The following MAPK10 variants were observed in gnomAD, a reference collection of about 807,000 sequenced individuals.
MAPK10 encodes the protein mitogen-activated protein kinase 10, also known as JNK3 alpha protein kinase.
Under a neutral mutation model 59.3 loss-of-function variants are expected in MAPK10, and 25 were observed. That is an observed-to-expected ratio of 0.42 (90% CI 0.31 to 0.59). The LOEUF (loss-of-function observed/expected upper bound fraction) is 0.59, where lower values mean the gene tolerates loss of function less well. MAPK10 is among the 20% of genes least tolerant of loss of function. The pLI is 0.15. For missense variants in MAPK10, 351 were observed against 568.9 expected (o/e 0.62, Z 3.90); for synonymous variants, 190 against 200.5 (o/e 0.95, Z 0.44).
chr4:86,159,908 A>G (rs912144509), intron 3 of MAPK10, among the ~76,000 whole-genome samples: 3 of 152,028 alleles, frequency 2.0e-5, no homozygotes, highest in Non-Finnish European at 4.4e-5. Context: ...AATTGTATCT[A>G]CAACCTTTTC....
chr4:86,579,722 C>A (rs750599794), intron 1 of MAPK10, among the ~76,000 whole-genome samples: 3 of 152,112 alleles, frequency 2.0e-5, no homozygotes, highest in Non-Finnish European at 4.4e-5. Context: ...TATTAACCAC[C>A]ATAATAATTA....
chr4:86,115,307 T>G (rs1226993332), intron 4 of MAPK10, among the ~76,000 whole-genome samples: 1 of 152,190 alleles, frequency 6.6e-6, no homozygotes, highest in Non-Finnish European at 1.5e-5. Context: ...CCTTATCCCA[T>G]GCAGCTCCCG....
intron 10 of MAPK10, among the ~76,000 whole-genome samples, chr4:86,066,958 A>T (rs1447290999): frequency 6.6e-6 from 1 of 152,074 alleles, no homozygotes; most frequent in Non-Finnish European, 1.5e-5. Flanking sequence ...ACACAGTAGA[A>T]TACATTCTTC....
chr4:86,557,633 A>T (rs1196392440), intron 1 of MAPK10, among the ~76,000 whole-genome samples: 1 of 152,036 alleles, frequency 6.6e-6, no homozygotes, highest in Non-Finnish European at 1.5e-5. Flanking sequence ...TCAGCACTAG[A>T]TGTTGTATTT....
At position 86,014,510 on chromosome 4, in the gene MAPK10, C is replaced by T. The variant is rs1217516010; in HGVS notation, c.*2718G>A. On this transcript the variant is annotated 3_prime_UTR_variant, in exon 14 of 14. Transcript: ENST00000641462. Reference sequence around the variant, plus strand: ...CCATCATCTGCCTTGCTTTAATCACCTAATAAAACTGATCCTGCAAAAATT... The same window carrying T: ...CCATCATCTGCCTTGCTTTAATCACTTAATAAAACTGATCCTGCAAAAATT... 6.6e-6 allele frequency: 1 copy of T among 152,008 alleles called. No homozygotes were observed. The highest frequency in any genetic ancestry group is 1.5e-5 in the Non-Finnish European group (1 of 68,020). The allele number at this position is 152,008 out of a possible 1,614,324, so 9.4% of individuals were successfully genotyped here. A position where few individuals can be genotyped will look rare whatever the true frequency, so the allele number is the denominator to read the frequency against.
intron 4 of MAPK10, chr4:86,117,468 C>G (rs2058457780): frequency 6.6e-6 from 1 of 152,186 alleles, no homozygotes; most frequent in Non-Finnish European, 1.5e-5. Flanking sequence ...ATCCCTTCCT[C>G]TAAAGAAATA....
At chr4:86,435,979 C>T (rs1285250631) in intron 1 of MAPK10, among the ~76,000 whole-genome samples, 1 of 152,216 alleles carries the variant, frequency 6.6e-6, no homozygotes, top group South Asian at 2.1e-4. Flanking sequence ...TTATACCAAA[C>T]ATTTGCCCAA....
intron 4 of MAPK10, among the ~76,000 whole-genome samples, chr4:86,150,058 C>T (rs1173738519): frequency 6.6e-6 from 1 of 152,172 alleles, no homozygotes; most frequent in Non-Finnish European, 1.5e-5. Context: ...AACGTAAGTG[C>T]CCACTGACTG....
At chr4:86,246,245 C>A (rs550016212) in intron 2 of MAPK10, among the ~76,000 whole-genome samples, 25 of 152,242 alleles carry the variant, frequency 1.6e-4, no homozygotes, top group Admixed American at 2.6e-4. Context: ...TCCTGGCTAA[C>A]AAGGTGAAAT....
rs77921228 is a variant in MAPK10 at position 86,045,288 on chromosome 4, T to G, written c.1111-13857A>C. Among the ~76,000 whole-genome samples, 657 of 152,188 alleles carry G rather than the reference T, an allele frequency of 4.3e-3. 31 individuals are homozygous for G. The East Asian group carries it at 0.1, about 24-fold the overall frequency. ...TTTCTATGGTTCTTTAACTGAAAAG[T>G]TTCAGTAATTGCACCACCAATCACC... On this transcript the variant is annotated intron_variant, in intron 11 of 13. Coordinates refer to ENST00000641462, the MANE Select transcript of MAPK10 (RefSeq NM_138982.4).
At chr4:86,550,395 A>AC (rs1172745962) in intron 1 of MAPK10, among the ~76,000 whole-genome samples, 2 of 120,650 alleles carry the variant, frequency 1.7e-5, no homozygotes, top group Non-Finnish European at 3.6e-5. Context: ...AAAAAAAAAA[A>AC]AAAAAAAAAA....
At chr4:86,561,056 G>T (rs1314008597) in intron 1 of MAPK10, among the ~76,000 whole-genome samples, 1 of 152,210 alleles carries the variant, frequency 6.6e-6, no homozygotes, top group African/African-American at 2.4e-5. Flanking sequence ...GGAGTAGGGG[G>T]AATGAAACTA....
At chr4:86,548,044 C>T (rs935618612) in intron 1 of MAPK10, among the ~76,000 whole-genome samples, 1 of 152,166 alleles carries the variant, frequency 6.6e-6, no homozygotes, top group Non-Finnish European at 1.5e-5. Context: ...GCTCAGGTCC[C>T]CTTCCACACT....
At chr4:86,029,055 T>A (rs1166583143) in intron 13 of MAPK10, 142 bp downstream of exon 13, 1 of 749,310 alleles carries the variant, frequency 1.3e-6, no homozygotes, top group Non-Finnish European at 2.4e-6. Context: ...GAAATAAAAC[T>A]AAAATCATTA....
At chr4:86,100,563 G>T (rs1234307686) in intron 8 of MAPK10, 1 of 152,258 alleles carries the variant, frequency 6.6e-6, no homozygotes, top group African/African-American at 2.4e-5. Flanking sequence ...TAAATAATTT[G>T]GATTATTTCA....
At chr4:86,573,955 G>A (rs1384207078) in intron 1 of MAPK10, among the ~76,000 whole-genome samples, 1 of 152,106 alleles carries the variant, frequency 6.6e-6, no homozygotes, top group African/African-American at 2.4e-5. Context: ...TGCACAATGT[G>A]CAGGTTAGTT....
intron 11 of MAPK10, 124 bp downstream of exon 11, chr4:86,064,142 G>A: frequency 8.3e-7 from 1 of 1,201,842 alleles, no homozygotes. Flanking sequence ...GCAGATAATA[G>A]GCTTTGGACT....
Position 86,017,094 on chromosome 4 carries a change from A to G in MAPK10, c.*134T>C. ...CAGGCTGAAAGATTTATTTAATTTT[A>G]GGCTTGGATTCTCTCCCTTGCTGTT... On this transcript the variant is annotated 3_prime_UTR_variant, in exon 14 of 14. Coordinates refer to ENST00000641462, the MANE Select transcript of MAPK10 (RefSeq NM_138982.4). This position sits in a 1 kb window ranked among gnomAD's most constrained non-coding sequence, Gnocchi z 4.4. 1.0e-6 allele frequency: 1 copy of G among 957,862 alleles called. No individual in the cohort carries two copies. The highest frequency in any genetic ancestry group is 1.7e-5 in the South Asian group (1 of 60,314). The allele number at this position is 957,862 out of a possible 1,614,324, so 59.3% of individuals were successfully genotyped here. A position where few individuals can be genotyped will look rare whatever the true frequency, so the allele number is the denominator to read the frequency against.
intron 9 of MAPK10, among the ~76,000 whole-genome samples, chr4:86,098,040 G>A (rs947797293): frequency 5.9e-5 from 9 of 152,078 alleles, no homozygotes; most frequent in African/African-American, 2.2e-4. Flanking sequence ...ATATTGACCT[G>A]TTAAAGACTT....
Sources: allele counts gnomAD v4.1 joint callset (sites outside exome capture counted in the v4.1 genomes callset), GRCh38; gene constraint gnomAD v4.1.1; non-coding constraint Gnocchi (gnomAD v3.1); transcripts MANE v1.5; gene names NCBI Gene and HGNC (gene_info 2026-07-23, HGNC 2026-07-21).